Variants in IL16 observed in about 807,000 individuals in gnomAD.
The protein encoded by IL16 is interleukin 16, also known as pro-interleukin-16.
Under a neutral mutation model 110.1 loss-of-function variants are expected in IL16, and 67 were observed. That is an observed-to-expected ratio of 0.61 (90% CI 0.50 to 0.75). The LOEUF (loss-of-function observed/expected upper bound fraction) is 0.75. Ranked by LOEUF, IL16 falls within the 30% of genes least tolerant of loss-of-function variation. The pLI is 0.00. For synonymous variants in IL16, 689 were observed against 662.9 expected (o/e 1.04, Z -0.61); for missense variants, 1,545 against 1,655.0 (o/e 0.93, Z 1.15).
chr15:81,310,824 G>C lies in IL16; in HGVS notation c.*2026G>C, dbSNP rs752530434. On this transcript the variant is annotated 3_prime_UTR_variant, in exon 19 of 19. Coordinates refer to ENST00000683961, the MANE Select transcript of IL16 (RefSeq NM_172217.5). ...GCTGGCCGTGGGCCTGGGGTACCAA[G>C]AGACTCCTTGAGAGACCAGGCAAAG... 2 of 152,280 alleles carry C rather than the reference G, an allele frequency of 1.3e-5. No individual in the cohort carries two copies. The highest frequency in any genetic ancestry group is 2.4e-5 in the African/African-American group (1 of 41,448). 9.4% of individuals were successfully genotyped at this position (152,280 alleles called of 1,614,324 possible).
chr15:81,259,146 A>G (rs1898062240), intron 2 of IL16, among the ~76,000 whole-genome samples: 1 of 152,252 alleles, frequency 6.6e-6, no homozygotes, highest in Non-Finnish European at 1.5e-5. Context: ...AGTAATAAGC[A>G]ATATAGTAAA....
chr15:81,267,220 A>G (rs1384740482), intron 4 of IL16, among the ~76,000 whole-genome samples: 24 of 152,184 alleles, frequency 1.6e-4, no homozygotes, highest in Non-Finnish European at 1.5e-5. Flanking sequence ...CTACCTGGCC[A>G]GCAGGGATGG....
At chr15:81,199,546 C>T (rs770065140) in intron 1 of IL16, among the ~76,000 whole-genome samples, 1 of 149,902 alleles carries the variant, frequency 6.7e-6, no homozygotes, top group Non-Finnish European at 1.5e-5. Context: ...AGATCTCCAT[C>T]GGTCTTGCCC....
intron 1 of IL16, among the ~76,000 whole-genome samples, chr15:81,213,948 T>C (rs972321220): frequency 6.6e-6 from 1 of 152,240 alleles, no homozygotes; most frequent in African/African-American, 2.4e-5. Context: ...TGTCCTCATA[T>C]AGCTGATTGT....
intron 14 of IL16, 22 bp from the exon 15 acceptor site, chr15:81,301,322 G>A (rs1900272854): frequency 6.3e-7 from 1 of 1,586,516 alleles, no homozygotes; most frequent in African/African-American, 1.4e-5. Flanking sequence ...TTCATACTGT[G>A]TGTTGTTTCT....
chr15:81,266,841 A>T (rs1322930561), intron 4 of IL16, among the ~76,000 whole-genome samples: 1 of 151,774 alleles, frequency 6.6e-6, no homozygotes, highest in Admixed American at 6.6e-5. Flanking sequence ...TCACCAACTG[A>T]CTCTCCCAAG....
At chr15:81,227,564 A>G (rs1299313188) in intron 2 of IL16, among the ~76,000 whole-genome samples, 2 of 152,180 alleles carry the variant, frequency 1.3e-5, no homozygotes, top group African/African-American at 4.8e-5. Flanking sequence ...GGAGGATGGT[A>G]GAAGACCAAG....
chr15:81,226,345 A>G (rs942998825), intron 2 of IL16, among the ~76,000 whole-genome samples: 2 of 152,202 alleles, frequency 1.3e-5, no homozygotes, highest in African/African-American at 2.4e-5. Flanking sequence ...TGTCATCATA[A>G]TGAGATGGAG....
At chr15:81,187,034 C>A (rs1379666544) in intron 1 of IL16, among the ~76,000 whole-genome samples, 1 of 152,112 alleles carries the variant, frequency 6.6e-6, no homozygotes, top group Non-Finnish European at 1.5e-5. Context: ...CAAAGTAGCC[C>A]CCCTGGCTTC....
At chr15:81,279,471 C>T (rs138142962) in intron 7 of IL16, 87 bp from the exon 8 acceptor site, 4 of 850,932 alleles carry the variant, frequency 4.7e-6, no homozygotes, top group Non-Finnish European at 5.5e-6. Flanking sequence ...CACATACACA[C>T]ACACAGAGGT....
chr15:81,207,216 C>T lies in IL16; in HGVS notation c.-102+10064C>T, dbSNP rs562619927. ...TCATGCCACTGCACTCCAGGCTGGG[C>T]GACAGAGTCAGACTCTGTCTCAAAA... is the stretch of plus-strand genomic sequence containing the variant. On this transcript the variant is annotated intron_variant, in intron 1 of 18. Transcript: ENST00000683961. Among the ~76,000 whole-genome samples the T allele has an allele frequency of 5.4e-4, 73 of 135,326 alleles. 1 individual carries two copies. The highest frequency in any genetic ancestry group is 2.0e-3 in the African/African-American group (69 of 35,088). The allele number at this position is 135,326 out of a possible 152,430, so 88.8% of individuals were successfully genotyped here. A position where few individuals can be genotyped will look rare whatever the true frequency, so the allele number is the denominator to read the frequency against.
chr15:81,306,075 G>A lies in IL16; in HGVS notation c.3588G>A (p.Arg1196=), dbSNP rs1803275. ...REPRQAVIVT[R]KLTPEAMPDL... Reference sequence around the variant, plus strand: ...CCAGGCAAGCTGTGATTGTCACAAGGAAGCTGACTCCAGAGGCCATGCCCG... The same window carrying A: ...CCAGGCAAGCTGTGATTGTCACAAGAAAGCTGACTCCAGAGGCCATGCCCG... Residue 1196 remains arginine (R), a synonymous_variant, in exon 17 of 19, where the codon AGG becomes AGA. Transcript: ENST00000683961. 0.093 allele frequency: 150,789 copies of A among 1,614,078 alleles called. 8,280 individuals carry two copies. The highest frequency in any genetic ancestry group is 0.21 in the African/African-American group (15,648 of 75,002).
intron 7 of IL16, 98 bp downstream of exon 7, chr15:81,278,988 C>T: frequency 2.4e-6 from 2 of 829,866 alleles, no homozygotes; most frequent in South Asian, 1.4e-5. Flanking sequence ...ACTGTGGAAC[C>T]CTTCACATGA....
intron 2 of IL16, among the ~76,000 whole-genome samples, chr15:81,255,545 C>T (rs1293818886): frequency 6.6e-6 from 1 of 152,154 alleles, no homozygotes; most frequent in East Asian, 1.9e-4. Context: ...CATAGCCTTG[C>T]GCATGCACAA....
chr15:81,238,239 A>G lies in IL16; in HGVS notation c.312+12528A>G, dbSNP rs1021115671. 2.0e-5 allele frequency among the ~76,000 whole-genome samples: 3 copies of G among 152,162 alleles called. 1 individual carries two copies. In the East Asian group the frequency reaches 5.8e-4, roughly 29 times the overall value. ...TTTAACTGGTGTATTTAAGCAATTT[A>G]TATTTAAAGTAATAACTTGTATGTT... is the stretch of plus-strand genomic sequence containing the variant. On this transcript the variant is annotated intron_variant, in intron 2 of 18. Coordinates refer to ENST00000683961, the MANE Select transcript of IL16 (RefSeq NM_172217.5).
intron 5 of IL16, 40 bp from the exon 6 acceptor site, chr15:81,273,050 A>G: frequency 6.6e-7 from 1 of 1,516,086 alleles, no homozygotes; most frequent in African/African-American, 1.4e-5. Context: ...AGAAGCATGG[A>G]ATACTACCCC....
chr15:81,214,650 C>T (rs1287499230), intron 1 of IL16, among the ~76,000 whole-genome samples: 1 of 151,958 alleles, frequency 6.6e-6, no homozygotes, highest in African/African-American at 2.4e-5. Context: ...CTATATTTCT[C>T]ATATTTGCAT....
intron 2 of IL16, among the ~76,000 whole-genome samples, chr15:81,248,735 T>G (rs1240649693): frequency 1.4e-5 from 2 of 146,598 alleles, no homozygotes; most frequent in Non-Finnish European, 3.0e-5. Context: ...TTTTTTTTTT[T>G]TTTGAGGCAG....
chr15:81,293,604 G>A (rs1484247454), intron 12 of IL16, among the ~76,000 whole-genome samples: 1 of 152,178 alleles, frequency 6.6e-6, no homozygotes, highest in Non-Finnish European at 1.5e-5. Context: ...AGGAGGCTGA[G>A]GCAGGGAATT....
Sources: gnomAD v4.1 joint callset for allele counts (sites outside exome capture counted in the v4.1 genomes callset) on GRCh38, gnomAD v4.1.1 for gene constraint, MANE v1.5 for transcripts, NCBI Gene and HGNC (gene_info 2026-07-23, HGNC 2026-07-21) for gene names.